The following EOGT variants were observed in gnomAD, a reference collection of about 807,000 sequenced individuals.
EOGT encodes EGF domain-specific O-linked N-acetylglucosamine transferase.
EOGT carries 55 observed loss-of-function variants against 70.5 expected under a neutral mutation model. The observed-to-expected ratio is 0.78, with a 90% CI of 0.63 to 0.98. The LOEUF (loss-of-function observed/expected upper bound fraction) is 0.98. EOGT is among the 50% of genes least tolerant of loss of function. EOGT has a pLI of 0.00. For missense variants in EOGT, 703 were observed against 641.9 expected, an observed-to-expected ratio of 1.10 and a Z score of -1.03; for synonymous variants, 246 against 217.1, an observed-to-expected ratio of 1.13 and a Z score of -1.17.
Position 68,987,429 on chromosome 3 carries a change from C to G in EOGT, c.1152+16G>C. 2 of 1,586,864 alleles carry G rather than the reference C, an allele frequency of 1.3e-6. No individual in the cohort carries two copies. Among genetic ancestry groups the G allele is most frequent in the Non-Finnish European group, 1.7e-6 (2 of 1,158,092 alleles). ...ATTGAATATGAAGGCATTAAAAATG[C>G]ATACCAAAAACTAACCTCATTTTGG... On this transcript the variant is annotated intron_variant, in intron 14 of 17. Transcript: ENST00000383701.
intron 4 of EOGT, among the ~76,000 whole-genome samples, chr3:69,008,734 C>T (rs2091498154): frequency 6.6e-6 from 1 of 152,190 alleles, no homozygotes; most frequent in African/African-American, 2.4e-5. Flanking sequence ...TCATCACCCC[C>T]ACCATATCGG....
rs2045347172 is a variant in EOGT, at chr3:68,975,874, A to T, written c.*1744T>A. ...GTCCAGATATTTTGTTTTGTGTGTC[A>T]TTTTTCTGATGGATATTTTTTACAA... On this transcript the variant is annotated 3_prime_UTR_variant, in exon 18 of 18. Coordinates refer to ENST00000383701, the MANE Select transcript of EOGT (RefSeq NM_001278689.2). 1 of 152,154 alleles carries T rather than the reference A, an allele frequency of 6.6e-6. No homozygotes were observed. Among genetic ancestry groups the T allele is most frequent in the Admixed American group, 6.5e-5 (1 of 15,276 alleles). 9.4% of individuals were successfully genotyped at this position (152,154 alleles called of 1,614,324 possible). A position where few individuals can be genotyped will look rare whatever the true frequency, so the allele number is the denominator to read the frequency against.
In EOGT at chr3:69,009,654, AGT is replaced by A; in HGVS notation, c.191_192del (p.Asp64ValfsTer6). 6.2e-7 allele frequency: 1 copy of A among 1,613,296 alleles called. No individual in the cohort carries two copies. On this transcript the variant is annotated frameshift_variant, in exon 4 of 18. Transcript: ENST00000383701. LOFTEE classifies it high-confidence loss of function. The stretch of plus-strand genomic sequence containing the variant: ...ATACCTACCTTATATGGACAAAGAG[AGT>A]CTTTCCTACAGACAGTGGCAATATG... Reference protein sequence around the residue: ...NRHIATVCRKDSLCPYKKHLE... With the variant: ...NRHIATVCRKXSLCPYKKHLE...
intron 8 of EOGT, among the ~76,000 whole-genome samples, chr3:69,002,761 C>T (rs1178066433): frequency 6.6e-6 from 1 of 151,932 alleles, no homozygotes; most frequent in Non-Finnish European, 1.5e-5. Context: ...CTCAAGCAGT[C>T]CTCCCGCCTC....
chr3:68,992,337 G>A (rs79928829), intron 10 of EOGT, among the ~76,000 whole-genome samples: 7,574 of 152,232 alleles, frequency 0.05, 403 homozygotes, highest in East Asian at 0.26. Flanking sequence ...CGTTCCAAAT[G>A]GGAGAAATTG....
At chr3:69,000,257 T>A (rs1290540036) in intron 9 of EOGT, among the ~76,000 whole-genome samples, 4 of 152,080 alleles carry the variant, frequency 2.6e-5, no homozygotes, top group African/African-American at 9.7e-5. Context: ...GAAGACAGCA[T>A]AAATTAGAAG....
At chr3:69,006,227 A>G (rs993166965) in intron 6 of EOGT, among the ~76,000 whole-genome samples, 4 of 152,184 alleles carry the variant, frequency 2.6e-5, no homozygotes, top group African/African-American at 7.2e-5. Context: ...GTGAACAGCT[A>G]GACTTGAGCC....
intron 8 of EOGT, among the ~76,000 whole-genome samples, chr3:69,002,429 C>A (rs79762828): frequency 1.3e-5 from 2 of 152,014 alleles, no homozygotes; most frequent in East Asian, 3.9e-4. Flanking sequence ...ACAATTATGC[C>A]CTGAGCAACT....
At chr3:68,979,535 G>A (rs1404679530) in intron 16 of EOGT, 133 bp downstream of exon 16, 3 of 1,000,156 alleles carry the variant, frequency 3.0e-6, no homozygotes, top group East Asian at 3.0e-5. Context: ...TTTCTTTCCA[G>A]ATTGTCTATA....
rs2091409901 is a variant in EOGT at position 69,005,240 on chromosome 3, G to A, written c.421-6C>T. The A allele has an allele frequency of 6.5e-7, 1 of 1,537,220 alleles. No homozygotes were observed. The highest frequency in any genetic ancestry group is 1.4e-5 in the African/African-American group (1 of 72,994). On this transcript the variant is annotated splice_polypyrimidine_tract_variant and splice_region_variant and intron_variant, in intron 6 of 17. Transcript: ENST00000383701. ...CACACCAGACTTGAGTCACTCTGAA[G>A]GTTGAGCAAAAGAAAAGAATGACTC...
intron 13 of EOGT, chr3:68,987,741 TG>T: frequency 1.8e-6 from 1 of 554,846 alleles, no homozygotes; most frequent in African/African-American, 1.9e-5. Context: ...TTTGGTTGGG[TG>T]GGTGAATTTT....
chr3:68,996,123 C>G (rs916001155), intron 10 of EOGT, among the ~76,000 whole-genome samples: 15 of 152,112 alleles, frequency 9.9e-5, no homozygotes, highest in African/African-American at 1.4e-4. Context: ...GCTCACAAAA[C>G]ATTTCGAAGA....
At chr3:68,982,032 G>A (rs2090659771) in intron 15 of EOGT, among the ~76,000 whole-genome samples, 1 of 151,874 alleles carries the variant, frequency 6.6e-6, no homozygotes. Flanking sequence ...TCAGCATCCT[G>A]AACAGCTAGG....
chr3:68,980,723 C>T (rs2090614766), intron 15 of EOGT, among the ~76,000 whole-genome samples: 1 of 152,200 alleles, frequency 6.6e-6, no homozygotes, highest in African/African-American at 2.4e-5. Flanking sequence ...GAACATGTGC[C>T]TCAGTTTCTC....
At chr3:68,982,541 C>T (rs1047047318) in intron 15 of EOGT, among the ~76,000 whole-genome samples, 1 of 152,106 alleles carries the variant, frequency 6.6e-6, no homozygotes, top group Admixed American at 6.5e-5. Flanking sequence ...AACAAACAAA[C>T]AAAAAATTCT....
chr3:68,987,944 TTGCTCTGTCG>T, intron 13 of EOGT: 2 of 350,180 alleles, frequency 5.7e-6, no homozygotes, highest in Non-Finnish European at 1.0e-5. Flanking sequence ...TGGGGCAGTC[TTGCTCTGTCG>T]CCCAGGCGGG....
chr3:68,989,975 T>C (rs950243496), intron 10 of EOGT, among the ~76,000 whole-genome samples: 4 of 151,868 alleles, frequency 2.6e-5, no homozygotes, highest in East Asian at 1.9e-4. Flanking sequence ...ATATAACATA[T>C]GTAATTCTAT....
rs751536233 is a variant in EOGT, at chr3:69,009,643, T to C, written c.204A>G (p.Pro68=). The C allele has an allele frequency of 5.0e-6, 8 of 1,611,444 alleles. No homozygotes were observed. The highest frequency in any genetic ancestry group is 1.3e-5 in the African/African-American group (1 of 74,862). Reference sequence around the variant, plus strand: ...GAAAAGAAATAATACCTACCTTATATGGACAAAGAGAGTCTTTCCTACAGA... The same window carrying C: ...GAAAAGAAATAATACCTACCTTATACGGACAAAGAGAGTCTTTCCTACAGA... The part of the protein sequence containing the change: ...ATVCRKDSLC[P]YKKHLEKLKY... The change falls in exon 4 of 18, where the codon CCA becomes CCG. Residue 68 remains proline (P), a synonymous_variant. Coordinates refer to ENST00000383701, the MANE Select transcript of EOGT (RefSeq NM_001278689.2).
chr3:68,980,726 A>G (rs189346010), intron 15 of EOGT, among the ~76,000 whole-genome samples: 20 of 152,354 alleles, frequency 1.3e-4, no homozygotes, highest in African/African-American at 4.3e-4. Flanking sequence ...CATGTGCCTC[A>G]GTTTCTCCAG....
Sources: allele counts gnomAD v4.1 joint callset (sites outside exome capture counted in the v4.1 genomes callset), GRCh38; gene constraint gnomAD v4.1.1; transcripts MANE v1.5; gene names NCBI Gene and HGNC (gene_info 2026-07-23, HGNC 2026-07-21).